Variants in ST6GALNAC1 observed in about 807,000 individuals in gnomAD.
ST6GALNAC1 encodes ST6 N-acetylgalactosaminide alpha-2,6-sialyltransferase 1, also known as alpha-N-acetylgalactosaminide alpha-2,6-sialyltransferase 1.
ST6GALNAC1 carries 45 observed loss-of-function variants against 56.8 expected under a neutral mutation model. The ratio of observed to expected loss-of-function variants is 0.79; its 90% confidence interval spans 0.62 to 1.02. The LOEUF (loss-of-function observed/expected upper bound fraction) is 1.02. Ranked by LOEUF, ST6GALNAC1 falls within the 50% of genes least tolerant of loss-of-function variation. The pLI is 0.00. For missense variants in ST6GALNAC1, 743 were observed against 754.8 expected (o/e 0.98, Z 0.18); for synonymous variants, 295 against 297.8 (o/e 0.99, Z 0.10).
downstream of ST6GALNAC1, among the ~76,000 whole-genome samples, chr17:76,621,181 TC>T (rs201009246): frequency 9.5e-3 from 652 of 68,672 alleles, 14 homozygotes; most frequent in African/African-American, 0.025. Context: ...TTTCTTTCTT[TC>T]TTTCTTTTTT....
downstream of ST6GALNAC1, among the ~76,000 whole-genome samples, chr17:76,622,090 C>A (rs925137234): frequency 1.3e-5 from 2 of 151,100 alleles, no homozygotes; most frequent in African/African-American, 4.9e-5. Flanking sequence ...TGAGCCACTG[C>A]GCCTGGCCTG....
chr17:76,638,247 C>T (rs139042408), intron 1 of ST6GALNAC1, among the ~76,000 whole-genome samples: 53 of 152,116 alleles, frequency 3.5e-4, no homozygotes, highest in African/African-American at 1.3e-3. Flanking sequence ...CATATTTATA[C>T]CAGACTATGG....
At chr17:76,621,186 C>G (rs7224068), downstream of ST6GALNAC1, among the ~76,000 whole-genome samples, 1 of 110,048 alleles carries the variant, frequency 9.1e-6, no homozygotes, top group African/African-American at 3.4e-5. Context: ...TTCTTTCTTT[C>G]TTTTTTTTTT....
Position 76,627,083 on chromosome 17 carries a change from G to T in ST6GALNAC1, c.1156C>A (p.His386Asn). 1 of 1,558,234 alleles carries T rather than the reference G, an allele frequency of 6.4e-7. No individual in the cohort carries two copies. ...NSHMGQEIDS[H>N]DYVFRLSGAL... ...ACAGCTTACCGGAACACGTAGTCGT[G>T]ACTGTCTATCTCCTGGCCCATGTGG... The change falls in exon 4 of 9, where the codon CAC (histidine) becomes AAC (asparagine). Residue 386 changes from histidine to asparagine, a missense_variant. Transcript: ENST00000156626. The surrounding 1 kb of genome is among the most constrained non-coding windows in gnomAD (Gnocchi z 4.4).
chr17:76,642,696 C>T (rs939948383), intron 1 of ST6GALNAC1, among the ~76,000 whole-genome samples: 16 of 152,140 alleles, frequency 1.1e-4, no homozygotes, highest in African/African-American at 3.1e-4. Context: ...TTTGGGAGGC[C>T]GAGGTGGGTA....
chr17:76,625,601 G>A, intron 8 of ST6GALNAC1, 74 bp from the exon 9 acceptor site: 4 of 1,541,734 alleles, frequency 2.6e-6, no homozygotes, highest in East Asian at 2.3e-5. Flanking sequence ...CTAATTCTGT[G>A]TTGAGGGGTG....
chr17:76,626,294 C>T lies in ST6GALNAC1; in HGVS notation c.1410G>A (p.Trp470Ter). ...GGCAGGAGGACAGTGGGTACCTGAA[C>T]CAGAAAAGGTTTTTTGACATCACCG... is the stretch of plus-strand genomic sequence containing the variant. Reference protein sequence around the residue: ...NQTVMSKNLFWFRHRPQEAFR... With the variant: ...NQTVMSKNLF Residue 470 changes from tryptophan (W) to a stop codon, truncating the protein, a stop_gained, in exon 6 of 9, where the codon TGG becomes TGA. Transcript: ENST00000156626. LOFTEE classifies it high-confidence loss of function. 1 of 1,614,092 alleles carries T rather than the reference C, an allele frequency of 6.2e-7. No homozygotes were observed.
rs1567965061 is a variant in ST6GALNAC1 at position 76,643,574 on chromosome 17, G to A, written c.65C>T (p.Ala22Val). Residue 22 changes from alanine to valine, a missense_variant, in exon 1 of 9, where the codon GCT becomes GTT. Coordinates refer to ENST00000156626, the MANE Select transcript of ST6GALNAC1 (RefSeq NM_018414.5). ...GGCGAAGAGAAAGAAGACCAGGACA[G>A]CCAGAAGCAAGGACCACTGGACGCC... The part of the protein sequence containing the change: ...SQGVQWSLLL[A>V]VLVFFLFALP... 4 of 1,614,140 alleles carry A rather than the reference G, an allele frequency of 2.5e-6. No individual in the cohort carries two copies. Among genetic ancestry groups the A allele is most frequent in the Non-Finnish European group, 3.4e-6 (4 of 1,179,960 alleles).
At chr17:76,629,775 A>AT in intron 1 of ST6GALNAC1, 64 bp from the exon 2 acceptor site, 18 of 963,202 alleles carry the variant, frequency 1.9e-5, no homozygotes, top group Non-Finnish European at 2.7e-5. Context: ...AAGCATAAGT[A>AT]GTTTTTTGTT....
At chr17:76,628,613 G>A (rs1225062866) in intron 2 of ST6GALNAC1, among the ~76,000 whole-genome samples, 1 of 152,110 alleles carries the variant, frequency 6.6e-6, no homozygotes, top group Non-Finnish European at 1.5e-5. Context: ...GCATGAGGTT[G>A]GGGTGTCCTT....
chr17:76,643,551 C>G lies in ST6GALNAC1; in HGVS notation c.88G>C (p.Ala30Pro), dbSNP rs201643178. 1 of 1,614,022 alleles carries G rather than the reference C, an allele frequency of 6.2e-7. No homozygotes were observed. The highest frequency in any genetic ancestry group is 8.5e-7 in the Non-Finnish European group (1 of 1,179,966). ...GGCTCCTTAATAAAAGAGGGCAAGG[C>G]GAAGAGAAAGAAGACCAGGACAGCC... ...LLAVLVFFLF[A>P]LPSFIKEPQT... Residue 30 changes from alanine (A) to proline (P), a missense_variant, in exon 1 of 9, where the codon GCC (alanine) becomes CCC (proline). Physicochemically the swap from Ala to Pro is conservative, Grantham distance 27 (BLOSUM62 -1). Coordinates refer to ENST00000156626, the MANE Select transcript of ST6GALNAC1 (RefSeq NM_018414.5).
intron 1 of ST6GALNAC1, among the ~76,000 whole-genome samples, chr17:76,639,896 C>T (rs1294703315): frequency 1.3e-5 from 2 of 151,876 alleles, no homozygotes; most frequent in Non-Finnish European, 2.9e-5. Context: ...GTCGTTAACT[C>T]CTCTGGTATG....
chr17:76,634,892 C>A (rs1197654762), intron 1 of ST6GALNAC1, among the ~76,000 whole-genome samples: 1 of 151,926 alleles, frequency 6.6e-6, no homozygotes, highest in African/African-American at 2.4e-5. Context: ...TCAAAAAAAA[C>A]AAAAACAAAA....
At chr17:76,620,033 T>C (rs149721273), downstream of ST6GALNAC1, among the ~76,000 whole-genome samples, 701 of 143,026 alleles carry the variant, frequency 4.9e-3, 9 homozygotes, top group African/African-American at 0.018. Flanking sequence ...CATGAGTCAC[T>C]GTGCCCGGCC....
intron 2 of ST6GALNAC1, 52 bp downstream of exon 2, chr17:76,628,960 G>A: frequency 6.7e-7 from 1 of 1,490,126 alleles, no homozygotes; most frequent in Non-Finnish European, 9.0e-7. Flanking sequence ...TTCCTCTCAG[G>A]AGGGGCTTCA....
chr17:76,637,561 A>C, intron 1 of ST6GALNAC1: 1 of 396,864 alleles, frequency 2.5e-6, no homozygotes, highest in Non-Finnish European at 4.4e-6. Context: ...TGGCTTTTCA[A>C]AAAAACAGAA....
chr17:76,628,036 G>T (rs956845349), intron 2 of ST6GALNAC1, among the ~76,000 whole-genome samples: 2 of 148,010 alleles, frequency 1.4e-5, no homozygotes, highest in Non-Finnish European at 3.0e-5. Flanking sequence ...AGCGGAGCTT[G>T]CAGTGAGCCG....
At chr17:76,636,788 G>C in intron 1 of ST6GALNAC1, among the ~76,000 whole-genome samples, 1 of 152,160 alleles carries the variant, frequency 6.6e-6, no homozygotes, top group African/African-American at 2.4e-5. Flanking sequence ...AGCTCATTGA[G>C]AACGGGCCAT....
chr17:76,628,072 G>A (rs1385258304), intron 2 of ST6GALNAC1, among the ~76,000 whole-genome samples: 1 of 143,904 alleles, frequency 6.9e-6, no homozygotes, highest in Non-Finnish European at 1.5e-5. Context: ...ACTCCAGCCT[G>A]GGCGACAGAG....
Sources: gnomAD v4.1 joint callset for allele counts (sites outside exome capture counted in the v4.1 genomes callset) on GRCh38, gnomAD v4.1.1 for gene constraint, Gnocchi (gnomAD v3.1) non-coding constraint, MANE v1.5 for transcripts, NCBI Gene and HGNC (gene_info 2026-07-23, HGNC 2026-07-21) for gene names.